The following ZSCAN5C variants were observed in gnomAD, a reference collection of about 807,000 sequenced individuals.
ZSCAN5C encodes the protein zinc finger and SCAN domain-containing protein 5C.
In ZSCAN5C, 11 loss-of-function variants were observed where a neutral mutation model predicts 17.3. The ratio of observed to expected loss-of-function variants is 0.64; its 90% confidence interval spans 0.40 to 1.06. The LOEUF (loss-of-function observed/expected upper bound fraction) is 1.06. Among genes scored for constraint, ZSCAN5C ranks in the 50% least tolerant of loss-of-function variants. ZSCAN5C has a pLI of 0.00. For synonymous variants in ZSCAN5C, 229 were observed against 208.4 expected, an observed-to-expected ratio of 1.10 and a Z score of -0.85; for missense variants, 698 against 538.9, an observed-to-expected ratio of 1.30 and a Z score of -2.92.
chr19:56,207,577 A>G (rs1183304149), intron 3 of ZSCAN5C, among the ~76,000 whole-genome samples: 1 of 151,840 alleles, frequency 6.6e-6, no homozygotes, highest in East Asian at 1.9e-4. Flanking sequence ...AAAGACATTT[A>G]ATGTAATAAT....
At chr19:56,204,490 C>G (rs2032900963) in intron 1 of ZSCAN5C, among the ~76,000 whole-genome samples, 1 of 151,712 alleles carries the variant, frequency 6.6e-6, no homozygotes. Context: ...CCTAGACCTG[C>G]TGGCCATTCA....
exon 5 of ZSCAN5C, chr19:56,208,801 G>T: frequency 6.3e-7 from 1 of 1,575,818 alleles, no homozygotes; most frequent in Non-Finnish European, 8.7e-7. Flanking sequence ...GCGGCAAGAG[G>T]TTTAAGTATC....
Position 56,206,428 on chromosome 19 carries a change from C to T in ZSCAN5C, c.384+131C>T, listed in dbSNP as rs1454385329. 4 of 1,366,018 alleles carry T rather than the reference C, an allele frequency of 2.9e-6. No individual in the cohort carries two copies. In the African/African-American group the frequency reaches 5.9e-5, roughly 20 times the overall value. 84.6% of individuals were successfully genotyped at this position (1,366,018 alleles called of 1,614,324 possible). A position where few individuals can be genotyped will look rare whatever the true frequency, so the allele number is the denominator to read the frequency against. On this transcript the variant is annotated intron_variant, in intron 2 of 4. Transcript: ENST00000534327. ...TCCAAGTAGAGGAGAGTTTGCCCATCAGGGACACATGGCAGTGTCTGGGGA... is the reference window on the plus strand; with the variant it reads ...TCCAAGTAGAGGAGAGTTTGCCCATTAGGGACACATGGCAGTGTCTGGGGA...
intron 1 of ZSCAN5C, among the ~76,000 whole-genome samples, chr19:56,205,405 A>G (rs939008357): frequency 3.3e-5 from 5 of 151,968 alleles, no homozygotes; most frequent in African/African-American, 9.7e-5. Flanking sequence ...TTGCATAATT[A>G]TGACTAAGGA....
At chr19:56,205,870 G>T (rs1430543621) in exon 2 of ZSCAN5C, 1 of 855,896 alleles carries the variant, frequency 1.2e-6, no homozygotes, top group South Asian at 1.5e-5. Flanking sequence ...ACCGGCTTCT[G>T]GAAGAGCTTT....
chr19:56,205,878 T>C (rs1262615597), exon 2 of ZSCAN5C: 1 of 908,548 alleles, frequency 1.1e-6, no homozygotes, highest in Non-Finnish European at 1.8e-6. Context: ...CTGGAAGAGC[T>C]TTCCCAGAGA....
Position 56,208,119 on chromosome 19 carries a change from TG to T in ZSCAN5C, c.676del (p.Glu226ArgfsTer67). ...CCCAAGCCGACCTTGGAGAAGGACC[TG>T]GAGGAAGACAGGGAGGAGAACCCAG... On this transcript the variant is annotated frameshift_variant, in exon 4 of 5. Transcript: ENST00000534327. LOFTEE classifies it high-confidence loss of function. 1 of 778,264 alleles carries T rather than the reference TG, an allele frequency of 1.3e-6. No individual in the cohort carries two copies. Among genetic ancestry groups the T allele is most frequent in the Non-Finnish European group, 2.4e-6 (1 of 417,542 alleles). The allele number at this position is 778,264 out of a possible 1,614,324, so 48.2% of individuals were successfully genotyped here. A position where few individuals can be genotyped will look rare whatever the true frequency, so the allele number is the denominator to read the frequency against.
chr19:56,204,168 A>G (rs1406867752), intron 1 of ZSCAN5C, among the ~76,000 whole-genome samples: 2 of 151,154 alleles, frequency 1.3e-5, no homozygotes, highest in South Asian at 4.2e-4. Flanking sequence ...CCCTCCCTCT[A>G]TCCCTCCAGA....
chr19:56,203,296 T>A (rs565502362), intron 1 of ZSCAN5C, among the ~76,000 whole-genome samples: 74 of 151,860 alleles, frequency 4.9e-4, no homozygotes, highest in Admixed American at 9.2e-4. Flanking sequence ...AAAAAAAAAA[T>A]TTACTTTTAA....
At chr19:56,207,319 T>C (rs2032934464) in intron 3 of ZSCAN5C, 57 bp downstream of exon 3, 3 of 705,440 alleles carry the variant, frequency 4.3e-6, no homozygotes, top group Non-Finnish European at 7.9e-6. Context: ...CGGGAGGAAA[T>C]CGTGTGGCCA....
chr19:56,208,366 C>T (rs2032947814), intron 4 of ZSCAN5C, 83 bp from the exon 5 acceptor site: 25 of 917,684 alleles, frequency 2.7e-5, no homozygotes, highest in Non-Finnish European at 4.2e-5. Context: ...AAGTTGTCAG[C>T]CAACATCAGT....
rs1247725438 is a variant in ZSCAN5C at position 56,208,437 on chromosome 19, C to G, written c.740-12C>G. 7.8e-7 allele frequency: 1 copy of G among 1,283,212 alleles called. No homozygotes were observed. The highest frequency in any genetic ancestry group is 1.1e-6 in the Non-Finnish European group (1 of 899,210). The allele number at this position is 1,283,212 out of a possible 1,614,324, so 79.5% of individuals were successfully genotyped here. A position where few individuals can be genotyped will look rare whatever the true frequency, so the allele number is the denominator to read the frequency against. On this transcript the variant is annotated splice_polypyrimidine_tract_variant and intron_variant, in intron 4 of 4. Coordinates refer to ENST00000534327, the Ensembl canonical transcript of ZSCAN5C. ...ACCTTATTAACTGTGTGTGTGGAAT[C>G]CCTTCTTCCAGCAGGGGTGGTGGGA... is the stretch of plus-strand genomic sequence containing the variant.
At chr19:56,206,264 C>T (rs570033461) in exon 2 of ZSCAN5C, 14 of 1,532,590 alleles carry the variant, frequency 9.1e-6, no homozygotes, top group Admixed American at 5.9e-5. Flanking sequence ...ACCTGGAGGA[C>T]CTGCTACGAA....
At chr19:56,207,478 G>A (rs1168865162) in intron 3 of ZSCAN5C, among the ~76,000 whole-genome samples, 3 of 120,470 alleles carry the variant, frequency 2.5e-5, no homozygotes, top group African/African-American at 1.2e-4. Flanking sequence ...AGCATGTAGG[G>A]TGGGGGGTAA....
At chr19:56,204,943 C>T (rs2032905283) in intron 1 of ZSCAN5C, among the ~76,000 whole-genome samples, 1 of 151,580 alleles carries the variant, frequency 6.6e-6, no homozygotes, top group African/African-American at 2.4e-5. Flanking sequence ...TTTTAAAAAT[C>T]TTATTATTGT....
chr19:56,208,152 C>T, exon 4 of ZSCAN5C: 1 of 779,972 alleles, frequency 1.3e-6, no homozygotes, highest in Non-Finnish European at 2.4e-6. Flanking sequence ...CCAGGACTTA[C>T]ATCCCCAGAG....
chr19:56,204,596 C>G (rs560068580), intron 1 of ZSCAN5C, among the ~76,000 whole-genome samples: 18 of 151,752 alleles, frequency 1.2e-4, no homozygotes, highest in Admixed American at 9.2e-4. Flanking sequence ...ATGTTTTGCA[C>G]AGGAGCCCCG....
intron 3 of ZSCAN5C, among the ~76,000 whole-genome samples, 167 bp from the exon 4 acceptor site, chr19:56,207,867 C>T (rs1333266420): frequency 6.6e-6 from 1 of 151,770 alleles, no homozygotes; most frequent in African/African-American, 2.4e-5. Flanking sequence ...GCGTCAGGGG[C>T]AAGGAGATGC....
chr19:56,208,686 G>A lies in ZSCAN5C; in HGVS notation c.977G>A (p.Gly326Glu), dbSNP rs754718230. Reference sequence around the variant, plus strand: ...CCTGTGGGCAACAGAGAATCCCCGGGACAAGCTGAGATCAATCCAGTTCAT... The same window carrying A: ...CCTGTGGGCAACAGAGAATCCCCGGAACAAGCTGAGATCAATCCAGTTCAT... The change falls in exon 5 of 5, where the codon GGA (glycine) becomes GAA (glutamate). Residue 326 changes from glycine (G) to glutamate (E), a missense_variant. This residue lies in a region of ZSCAN5C where 554 missense variants were observed against 390.5 expected (regional missense o/e 1.42). Coordinates refer to ENST00000534327, the Ensembl canonical transcript of ZSCAN5C. 8.7e-6 allele frequency: 14 copies of A among 1,612,586 alleles called. No individual in the cohort carries two copies. In the East Asian group the frequency reaches 2.9e-4, roughly 33 times the overall value.
Sources: gnomAD v4.1 joint callset for allele counts (sites outside exome capture counted in the v4.1 genomes callset) on GRCh38, gnomAD v4.1.1 for gene constraint, gnomAD v4.1.1 regional missense constraint, MANE v1.5 for transcripts, NCBI Gene and HGNC (gene_info 2026-07-23, HGNC 2026-07-21) for gene names.